The following RIPOR2 variants were observed in gnomAD, a reference collection of about 807,000 sequenced individuals.
RIPOR2 encodes rho family-interacting cell polarization regulator 2.
A neutral mutation model predicts 114.5 loss-of-function variants in RIPOR2; 39 were observed. The observed-to-expected ratio is 0.34, with a 90% confidence interval of 0.26 to 0.44. The LOEUF (loss-of-function observed/expected upper bound fraction) is 0.44, where lower values mean the gene tolerates loss of function less well. Ranked by LOEUF, RIPOR2 falls within the 20% of genes least tolerant of loss-of-function variation. RIPOR2 has a pLI of 1.00. For missense variants in RIPOR2, 1,007 were observed against 1,255.1 expected (o/e 0.80, Z 2.99); for synonymous variants, 445 against 484.4 (o/e 0.92, Z 1.07).
At chr6:24,867,574 G>A (rs973836062) in intron 6 of RIPOR2, among the ~76,000 whole-genome samples, 1 of 152,062 alleles carries the variant, frequency 6.6e-6, no homozygotes, top group Non-Finnish European at 1.5e-5. Context: ...AAGTTTCTGA[G>A]CTTGTTATCC....
intron 1 of RIPOR2, among the ~76,000 whole-genome samples, chr6:25,038,242 T>C (rs1239586297): frequency 6.6e-6 from 1 of 152,226 alleles, no homozygotes; most frequent in African/African-American, 2.4e-5. Flanking sequence ...AAGATGACAA[T>C]TAGGTTTTGT....
At chr6:24,980,333 A>G (rs1774234955) in intron 1 of RIPOR2, among the ~76,000 whole-genome samples, 2 of 152,184 alleles carry the variant, frequency 1.3e-5, no homozygotes, top group African/African-American at 4.8e-5. Context: ...ATAGTGGGAA[A>G]GCTTCCTTGG....
chr6:25,005,738 T>TACACACAC (rs1554130559), intron 1 of RIPOR2, among the ~76,000 whole-genome samples: 1 of 70,700 alleles, frequency 1.4e-5, no homozygotes, highest in Non-Finnish European at 3.3e-5. Context: ...TATATATATA[T>TACACACAC]ATACATTTAC....
At chr6:24,971,719 C>T (rs1419619842) in intron 1 of RIPOR2, among the ~76,000 whole-genome samples, 2 of 152,204 alleles carry the variant, frequency 1.3e-5, no homozygotes, top group Non-Finnish European at 2.9e-5. Flanking sequence ...TAGATGGAAC[C>T]ATGAAGGCAG....
chr6:24,931,211 A>G (rs750794268), intron 1 of RIPOR2, among the ~76,000 whole-genome samples: 8 of 152,248 alleles, frequency 5.3e-5, no homozygotes, highest in Non-Finnish European at 8.8e-5. Context: ...ACCTATTAAA[A>G]GAAAAATACT....
chr6:24,902,019 CT>C (rs1011764888), intron 1 of RIPOR2, among the ~76,000 whole-genome samples: 33 of 152,196 alleles, frequency 2.2e-4, no homozygotes, highest in African/African-American at 8.0e-4. Flanking sequence ...TCAACTGGAC[CT>C]TGAACTTAAA....
chr6:24,828,576 C>T (rs1320270033), intron 17 of RIPOR2, among the ~76,000 whole-genome samples: 1 of 152,106 alleles, frequency 6.6e-6, no homozygotes, highest in Non-Finnish European at 1.5e-5. Flanking sequence ...GATGGTTTTG[C>T]ACATGTGCAC....
At chr6:24,837,108 A>G (rs545940611) in intron 14 of RIPOR2, among the ~76,000 whole-genome samples, 11 of 152,124 alleles carry the variant, frequency 7.2e-5, no homozygotes, top group Admixed American at 1.3e-4. Context: ...AAAAAATATT[A>G]AGGCAGAACA....
chr6:25,005,263 G>T (rs562637975), intron 1 of RIPOR2, among the ~76,000 whole-genome samples: 5 of 152,280 alleles, frequency 3.3e-5, no homozygotes, highest in African/African-American at 9.6e-5. Context: ...GGCTGACTCT[G>T]ACCGGGTTGT....
intron 1 of RIPOR2, among the ~76,000 whole-genome samples, chr6:24,907,757 T>C (rs1769134736): frequency 6.6e-6 from 1 of 152,182 alleles, no homozygotes; most frequent in African/African-American, 2.4e-5. Context: ...AAACTGCCTA[T>C]AAGTAAATGA....
chr6:24,859,705 A>G (rs1014024147), intron 8 of RIPOR2, among the ~76,000 whole-genome samples: 1 of 152,228 alleles, frequency 6.6e-6, no homozygotes, highest in Non-Finnish European at 1.5e-5. Context: ...ATTCTCAGAC[A>G]GGCTCTTACA....
At chr6:24,855,990 TCCAGCCTGTGTGACAGAGCGAGACCCTC>T (rs1245551187) in intron 8 of RIPOR2, among the ~76,000 whole-genome samples, 1 of 152,128 alleles carries the variant, frequency 6.6e-6, no homozygotes, top group Admixed American at 6.6e-5. Flanking sequence ...GCCACTGAAC[TCCAGCCTGTGTGACAGAGCGAGACCCTC>T]GACTCAAAAA....
At chr6:24,976,576 A>G in intron 1 of RIPOR2, 1 of 1,601,068 alleles carries the variant, frequency 6.2e-7, no homozygotes, top group East Asian at 2.2e-5. Flanking sequence ...CAAGGTCCCA[A>G]AGACAGCAGA....
At chr6:25,023,783 T>A in intron 1 of RIPOR2, 1 of 788,730 alleles carries the variant, frequency 1.3e-6, no homozygotes, top group Non-Finnish European at 2.3e-6. Flanking sequence ...ATCGTTGACG[T>A]TGGTCACCTT....
chr6:25,031,709 A>T (rs1461450523), intron 1 of RIPOR2, among the ~76,000 whole-genome samples: 7 of 17,484 alleles, frequency 4.0e-4, no homozygotes, highest in African/African-American at 9.6e-4. Context: ...TTATATATAT[A>T]TATATATATA....
intron 1 of RIPOR2, among the ~76,000 whole-genome samples, chr6:24,947,587 T>C (rs994370966): frequency 6.6e-6 from 1 of 152,172 alleles, no homozygotes; most frequent in Non-Finnish European, 1.5e-5. Flanking sequence ...TTTCCTGACC[T>C]GGGACTGGTG....
intron 1 of RIPOR2, among the ~76,000 whole-genome samples, chr6:24,904,057 G>T (rs904455676): frequency 2.0e-5 from 3 of 152,268 alleles, no homozygotes; most frequent in Non-Finnish European, 4.4e-5. Context: ...CCATGTGTGA[G>T]TTGGGGTCTC....
rs1052016470 is a variant in RIPOR2, at chr6:25,041,905, G to A, written c.22C>T (p.His8Tyr). The change falls in exon 1 of 14, where the codon CAC (histidine) becomes TAC (tyrosine). Residue 8 changes from histidine to tyrosine, a missense_variant. Transcript: ENST00000510784. Reference sequence around the variant, plus strand: ...CTCCATGGCCTGTTTCTGATCCAGTGTAATCGCGAAGGTAACACCATGGTC... The same window carrying A: ...CTCCATGGCCTGTTTCTGATCCAGTATAATCGCGAAGGTAACACCATGGTC... 40 of 702,770 alleles carry A rather than the reference G, an allele frequency of 5.7e-5. No individual in the cohort carries two copies. In the East Asian group the frequency reaches 1.0e-3, roughly 18 times the overall value. The allele number at this position is 702,770 out of a possible 1,614,324, so 43.5% of individuals were successfully genotyped here.
intron 1 of RIPOR2, among the ~76,000 whole-genome samples, chr6:24,924,233 T>C (rs1443049555): frequency 1.3e-5 from 2 of 152,204 alleles, no homozygotes; most frequent in African/African-American, 4.8e-5. Flanking sequence ...CCTGGCACCA[T>C]CACTCCTTGG....
Sources: gnomAD v4.1 joint callset for allele counts (sites outside exome capture counted in the v4.1 genomes callset) on GRCh38, gnomAD v4.1.1 for gene constraint, MANE v1.5 for transcripts, NCBI Gene and HGNC (gene_info 2026-07-23, HGNC 2026-07-21) for gene names.